ACOD1: variants seen among roughly 807,000 people sequenced by gnomAD.
ACOD1 encodes the protein cis-aconitate decarboxylase.
A neutral mutation model predicts 14.2 loss-of-function variants in ACOD1; 14 were observed. That is an observed-to-expected ratio of 0.99 (90% CI 0.65 to 1.54). ACOD1 has a LOEUF of 1.54. Ranked by LOEUF, ACOD1 falls within the 40% of genes most tolerant of loss-of-function variation. The pLI, the probability that ACOD1 is intolerant of heterozygous loss-of-function variation, is 0.00. For missense variants in ACOD1, 530 were observed against 586.3 expected, an observed-to-expected ratio of 0.90 and a Z score of 0.99; for synonymous variants, 182 against 221.7, an observed-to-expected ratio of 0.82 and a Z score of 1.59.
chr13:76,957,956 T>G lies in ACOD1; in HGVS notation c.1417T>G (p.Cys473Gly), dbSNP rs1345314627. The G allele has an allele frequency of 6.5e-7, 1 of 1,538,380 alleles. No homozygotes were observed. The highest frequency in any genetic ancestry group is 8.7e-7 in the Non-Finnish European group (1 of 1,143,282). The change falls in exon 5 of 5, where the codon TGT becomes GGT. Residue 473 changes from cysteine (C) to glycine (G), a missense_variant. By Grantham distance (159) the Cys-to-Gly change is radical. Coordinates refer to ENST00000377462, the MANE Select transcript of ACOD1 (RefSeq NM_001258406.2). ...PPEVASNSPA[C>G]NNSITNLS ...AGAGGTAGCTTCAAACTCTCCAGCATGTAATAATTCTATCACAAATCTCTC... is the reference window on the plus strand; with the variant it reads ...AGAGGTAGCTTCAAACTCTCCAGCAGGTAATAATTCTATCACAAATCTCTC...
chr13:76,952,360 A>G, intron 1 of ACOD1, 129 bp from the exon 2 acceptor site: 1 of 737,650 alleles, frequency 1.4e-6, no homozygotes, highest in Non-Finnish European at 2.2e-6. Flanking sequence ...ATTAAACTAA[A>G]TCTGAGCAAC....
At chr13:76,950,705 A>G (rs1215780834) in intron 1 of ACOD1, among the ~76,000 whole-genome samples, 1 of 152,170 alleles carries the variant, frequency 6.6e-6, no homozygotes, top group African/African-American at 2.4e-5. Context: ...CAGTCTTTTC[A>G]CTGCCCCTGT....
At chr13:76,955,025 G>A (rs2033858315) in intron 3 of ACOD1, among the ~76,000 whole-genome samples, 1 of 151,090 alleles carries the variant, frequency 6.6e-6, no homozygotes, top group Non-Finnish European at 1.5e-5. Context: ...TGCTCCAGAG[G>A]CTGAGGCAGG....
In ACOD1 at chr13:76,957,788, G is replaced by A. The variant is rs1380755571; in HGVS notation, c.1249G>A (p.Asp417Asn). The A allele has an allele frequency of 6.4e-7, 1 of 1,550,892 alleles. No homozygotes were observed. Among genetic ancestry groups the A allele is most frequent in the Non-Finnish European group, 8.7e-7 (1 of 1,147,072 alleles). ...GHWRKPLSQE[D>N]LEEKFRANAS... ...CTGGAGAAAACCACTGAGCCAGGAGGACCTAGAGGAAAAGTTCAGAGCCAA... is the reference window on the plus strand; with the variant it reads ...CTGGAGAAAACCACTGAGCCAGGAGAACCTAGAGGAAAAGTTCAGAGCCAA... The change falls in exon 5 of 5, where the codon GAC (aspartate) becomes AAC (asparagine). Residue 417 changes from aspartate (D) to asparagine (N), a missense_variant. Asp to Asn is a conservative substitution (Grantham distance 23, BLOSUM62 1). Transcript: ENST00000377462.
At chr13:76,952,334 CT>C (rs568390855) in intron 1 of ACOD1, 154 bp from the exon 2 acceptor site, 21,507 of 466,064 alleles carry the variant, frequency 0.046, no homozygotes, top group South Asian at 0.063. Flanking sequence ...TAGTACACAT[CT>C]TTTTTTTTTT....
chr13:76,950,434 C>A (rs1424422313), intron 1 of ACOD1, among the ~76,000 whole-genome samples: 2 of 152,226 alleles, frequency 1.3e-5, no homozygotes, highest in Non-Finnish European at 2.9e-5. Context: ...TAACAGTCTA[C>A]ATATTGAAGA....
chr13:76,957,390 C>A lies in ACOD1; in HGVS notation c.851C>A (p.Ala284Glu), dbSNP rs1593892420. 1.3e-6 allele frequency: 2 copies of A among 1,550,666 alleles called. No individual in the cohort carries two copies. Among genetic ancestry groups the A allele is most frequent in the Non-Finnish European group, 1.7e-6 (2 of 1,147,016 alleles). ...FPAHLSTHWVADAAASVRKHL... is the reference protein window; with the variant it reads ...FPAHLSTHWVEDAAASVRKHL... ...GCACATTTATCTACCCACTGGGTGG[C>A]AGACGCAGCTGCATCTGTGAGAAAG... Residue 284 changes from alanine (A) to glutamate (E), a missense_variant, in exon 5 of 5, where the codon GCA becomes GAA. Transcript: ENST00000377462.
rs770727624 is a variant in ACOD1 at position 76,952,472 on chromosome 13, C to T, written c.13-17C>T. 1.9e-6 allele frequency: 3 copies of T among 1,549,038 alleles called. No individual in the cohort carries two copies. The highest frequency in any genetic ancestry group is 1.4e-5 in the African/African-American group (1 of 72,986). On this transcript the variant is annotated splice_polypyrimidine_tract_variant and intron_variant, in intron 1 of 4. Coordinates refer to ENST00000377462, the MANE Select transcript of ACOD1 (RefSeq NM_001258406.2). ...AAAGTGGGGTGTATCCCTGTCCTAA[C>T]ACTCTTCCCTTTAAAGTCTATCACA...
intron 3 of ACOD1, 112 bp downstream of exon 3, chr13:76,953,801 A>G: frequency 1.4e-6 from 1 of 702,376 alleles, no homozygotes; most frequent in Non-Finnish European, 2.5e-6. Context: ...AAGAACTGAA[A>G]GTCAGACAGA....
chr13:76,956,315 C>T (rs1416733990), intron 4 of ACOD1, among the ~76,000 whole-genome samples: 1 of 152,116 alleles, frequency 6.6e-6, no homozygotes, highest in Admixed American at 6.5e-5. Flanking sequence ...GATTCTCCTG[C>T]CTCAGCCTCC....
In ACOD1 at chr13:76,957,509, C is replaced by T; in HGVS notation, c.970C>T (p.Pro324Ser). 1 of 1,550,612 alleles carries T rather than the reference C, an allele frequency of 6.4e-7. No individual in the cohort carries two copies. Among genetic ancestry groups the T allele is most frequent in the Non-Finnish European group, 8.7e-7 (1 of 1,147,004 alleles). ...PNVQYVNRPF[P>S]VSEHEARHSF... ...TGTCCAGTATGTAAACAGGCCCTTT[C>T]CAGTTTCGGAGCATGAAGCCCGTCA... Residue 324 changes from proline to serine, a missense_variant, in exon 5 of 5, where the codon CCA (proline) becomes TCA (serine). By Grantham distance (74) the Pro-to-Ser change is moderately conservative. Transcript: ENST00000377462.
chr13:76,955,878 A>C (rs73537735), intron 4 of ACOD1, among the ~76,000 whole-genome samples: 1,820 of 152,264 alleles, frequency 0.012, 33 homozygotes, highest in African/African-American at 0.041. Context: ...GAATATCCTT[A>C]CTCTGACTGT....
At chr13:76,953,089 C>G (rs905260576) in intron 2 of ACOD1, among the ~76,000 whole-genome samples, 1 of 152,148 alleles carries the variant, frequency 6.6e-6, no homozygotes, top group Non-Finnish European at 1.5e-5. Flanking sequence ...TGTAGTAAGT[C>G]AAGATCATGC....
Position 76,957,065 on chromosome 13 carries a change from T to G in ACOD1, c.526T>G (p.Phe176Val). The G allele has an allele frequency of 6.4e-7, 1 of 1,550,582 alleles. No homozygotes were observed. Among genetic ancestry groups the G allele is most frequent in the Non-Finnish European group, 8.7e-7 (1 of 1,146,986 alleles). Residue 176 changes from phenylalanine (F) to valine (V), a missense_variant, in exon 5 of 5, where the codon TTT becomes GTT. Coordinates refer to ENST00000377462, the MANE Select transcript of ACOD1 (RefSeq NM_001258406.2). ...TLGSAAAASK[F>V]LGLSSTKCRE... ...GGGTAGTGCTGCTGCTGCATCCAAG[T>G]TTTTAGGACTTAGCTCGACAAAGTG...
intron 3 of ACOD1, among the ~76,000 whole-genome samples, chr13:76,954,762 C>A (rs185367765): frequency 4.6e-5 from 7 of 152,292 alleles, no homozygotes; most frequent in Admixed American, 4.6e-4. Flanking sequence ...TTGGGGCTCA[C>A]AAGCTGCTCT....
intron 1 of ACOD1, among the ~76,000 whole-genome samples, chr13:76,949,160 G>A (rs954130306): frequency 6.6e-6 from 1 of 151,988 alleles, no homozygotes; most frequent in African/African-American, 2.4e-5. Context: ...CCAGCTACTC[G>A]GGAGGCTGAG....
At chr13:76,949,497 G>A (rs2033802869) in intron 1 of ACOD1, among the ~76,000 whole-genome samples, 1 of 152,058 alleles carries the variant, frequency 6.6e-6, no homozygotes. Flanking sequence ...GTGTTCTTTG[G>A]CACACAGGGT....
intron 1 of ACOD1, among the ~76,000 whole-genome samples, chr13:76,949,347 C>A (rs1362502726): frequency 6.6e-6 from 1 of 151,996 alleles, no homozygotes; most frequent in Non-Finnish European, 1.5e-5. Context: ...TTTAACTAAA[C>A]AGAGATGCAA....
chr13:76,953,314 C>G (rs141464003), intron 2 of ACOD1, among the ~76,000 whole-genome samples: 28 of 152,250 alleles, frequency 1.8e-4, no homozygotes, highest in Admixed American at 5.9e-4. Context: ...TCCATCTTCC[C>G]TGGTATTTAC....
Sources: allele counts gnomAD v4.1 joint callset (sites outside exome capture counted in the v4.1 genomes callset), GRCh38; gene constraint gnomAD v4.1.1; transcripts MANE v1.5; gene names NCBI Gene and HGNC (gene_info 2026-07-23, HGNC 2026-07-21).